BRINP3: variants seen among roughly 807,000 people sequenced by gnomAD.
The protein encoded by BRINP3 is BMP/retinoic acid inducible neural specific 3, also known as BMP/retinoic acid-inducible neural-specific protein 3.
In BRINP3, 19 loss-of-function variants were observed where a neutral mutation model predicts 71.0. That is an observed-to-expected ratio of 0.27 (90% CI 0.19 to 0.39). BRINP3 has a LOEUF of 0.39. BRINP3 is among the 10% of genes least tolerant of loss of function. The pLI is 1.00. For missense variants in BRINP3, 959 were observed against 940.8 expected (o/e 1.02, Z -0.25); for synonymous variants, 380 against 337.7 (o/e 1.13, Z -1.37).
chr1:190,272,904 C>G (rs1008471322), intron 3 of BRINP3, among the ~76,000 whole-genome samples: 1 of 151,440 alleles, frequency 6.6e-6, no homozygotes, highest in African/African-American at 2.4e-5. Flanking sequence ...CCCTTACTTA[C>G]AACAGAGCAC....
intron 2 of BRINP3, among the ~76,000 whole-genome samples, chr1:190,346,723 T>G (rs940740010): frequency 1.3e-5 from 2 of 152,116 alleles, no homozygotes; most frequent in South Asian, 4.1e-4. Context: ...AGTACCCAGT[T>G]TAGACTTTAT....
At position 190,463,565 on chromosome 1, in the gene BRINP3, CATAA is replaced by C. The variant is rs372948842; in HGVS notation, c.-50-8629_-50-8626del. Among the ~76,000 whole-genome samples, 166 of 151,790 alleles carry C rather than the reference CATAA, an allele frequency of 1.1e-3. 5 individuals carry two copies. The South Asian group carries it at 0.022, about 20-fold the overall frequency. ...ATTATATTCCATGAACATATTCAAA[CATAA>C]ATAAATAAGGTAATACATTATCTTT... On this transcript the variant is annotated intron_variant, in intron 1 of 7. Coordinates refer to ENST00000367462, the MANE Select transcript of BRINP3 (RefSeq NM_199051.3).
rs796336742 is a variant in BRINP3, at chr1:190,139,782, C to T, written c.1184+20886G>A. ...AAATCTACATAGTTAAGGTTTTCTC[C>T]AGGCAACATTTAGTGTTACCTTTCT... is the stretch of plus-strand genomic sequence containing the variant. On this transcript the variant is annotated intron_variant, in intron 7 of 7. Transcript: ENST00000367462. Among the ~76,000 whole-genome samples, 4 of 152,192 alleles carry T rather than the reference C, an allele frequency of 2.6e-5. No homozygotes were observed. In the East Asian group the frequency reaches 7.7e-4, roughly 29 times the overall value.
chr1:190,413,194 CGTGT>C (rs1289227768), intron 2 of BRINP3, among the ~76,000 whole-genome samples: 3 of 151,408 alleles, frequency 2.0e-5, no homozygotes, highest in Non-Finnish European at 4.4e-5. Flanking sequence ...CGTGCATGTG[CGTGT>C]GTGTGTGTAT....
intron 7 of BRINP3, among the ~76,000 whole-genome samples, chr1:190,108,427 C>T (rs901094560): frequency 6.6e-6 from 1 of 151,716 alleles, no homozygotes; most frequent in Non-Finnish European, 1.5e-5. Flanking sequence ...AAAGTCGGCT[C>T]ATTTAAAATA....
chr1:190,429,323 A>C (rs1359303870), intron 2 of BRINP3, among the ~76,000 whole-genome samples: 1 of 152,184 alleles, frequency 6.6e-6, no homozygotes, highest in Non-Finnish European at 1.5e-5. Context: ...AATGTTTTTA[A>C]TAAATTGTGG....
intron 1 of BRINP3, among the ~76,000 whole-genome samples, chr1:190,468,234 GATA>G (rs1178001112): frequency 6.6e-6 from 1 of 151,114 alleles, no homozygotes; most frequent in Admixed American, 6.6e-5. Context: ...AAAGAATCAT[GATA>G]ATAAACTTAT....
At chr1:190,221,055 T>C (rs1173934681) in intron 6 of BRINP3, among the ~76,000 whole-genome samples, 4 of 152,088 alleles carry the variant, frequency 2.6e-5, no homozygotes, top group African/African-American at 4.8e-5. Context: ...CTGTCTCTAC[T>C]ACAAACACAA....
intron 4 of BRINP3, among the ~76,000 whole-genome samples, chr1:190,239,560 T>A (rs1035350727): frequency 1.3e-4 from 20 of 152,222 alleles, no homozygotes; most frequent in African/African-American, 4.8e-4. Flanking sequence ...AATATCCTAT[T>A]TTTTAATCTA....
chr1:190,226,275 T>A lies in BRINP3; in HGVS notation c.768A>T (p.Val256=). 6.2e-6 allele frequency: 10 copies of A among 1,609,866 alleles called. No individual in the cohort carries two copies. The highest frequency in any genetic ancestry group is 8.5e-6 in the Non-Finnish European group (10 of 1,177,792). The change falls in exon 6 of 8, where the codon GTA becomes GTT. Residue 256 remains valine, a synonymous_variant. Coordinates refer to ENST00000367462, the MANE Select transcript of BRINP3 (RefSeq NM_199051.3). ...AAGCAATGTAGCTCAAAGCTGCTTGTACAAAACGTTCCTGAAGATAGTCTG... is the reference window on the plus strand; with the variant it reads ...AAGCAATGTAGCTCAAAGCTGCTTGAACAAAACGTTCCTGAAGATAGTCTG... ...LLPDYLQERF[V]QAALSYIACN... is the part of the protein sequence containing the mutation.
chr1:190,307,989 T>C (rs995272503), intron 2 of BRINP3, among the ~76,000 whole-genome samples: 1 of 151,918 alleles, frequency 6.6e-6, no homozygotes, highest in Non-Finnish European at 1.5e-5. Context: ...TCTGATGACA[T>C]TTGCCTAACC....
At chr1:190,428,434 C>A (rs72731165) in intron 2 of BRINP3, among the ~76,000 whole-genome samples, 19,625 of 151,512 alleles carry the variant, frequency 0.13, 1,401 homozygotes, top group Non-Finnish European at 0.14. Flanking sequence ...AATCCCCCCC[C>A]AAAAAAACTC....
intron 2 of BRINP3, among the ~76,000 whole-genome samples, chr1:190,422,668 G>A (rs967369791): frequency 5.9e-5 from 9 of 151,914 alleles, no homozygotes; most frequent in African/African-American, 2.2e-4. Flanking sequence ...ATCACAAAAG[G>A]CCACTTTCCA....
Position 190,453,201 on chromosome 1 carries a change from G to GTTTTTTTTTTTT in BRINP3, c.236+1453_236+1454insAAAAAAAAAAAA, listed in dbSNP as rs745819844. Among the ~76,000 whole-genome samples, 34 of 37,840 alleles carry GTTTTTTTTTTTT rather than the reference G, an allele frequency of 9.0e-4. 1 individual carries two copies. The highest frequency in any genetic ancestry group is 1.9e-3 in the Non-Finnish European group (32 of 16,422). 24.8% of individuals were successfully genotyped at this position (37,840 alleles called of 152,430 possible). ...CTACTTTTCAGAAAGAAAAACTTTA[G>GTTTTTTTTTTTT]TATTTTTTTTTTTTTTTTTTTTTTT... On this transcript the variant is annotated intron_variant, in intron 2 of 7. Transcript: ENST00000367462.
chr1:190,220,592 TTGTC>T (rs1377524464), intron 6 of BRINP3, among the ~76,000 whole-genome samples: 4 of 152,090 alleles, frequency 2.6e-5, no homozygotes, highest in African/African-American at 9.7e-5. Flanking sequence ...GAGCTTCAAT[TTGTC>T]TGGCGACAAA....
chr1:190,245,872 C>T (rs1015714052), intron 4 of BRINP3, among the ~76,000 whole-genome samples: 9 of 150,986 alleles, frequency 6.0e-5, no homozygotes, highest in East Asian at 2.0e-4. Flanking sequence ...TTTGTCCTTG[C>T]GATAGTTTGC....
At chr1:190,361,118 A>G (rs1425224136) in intron 2 of BRINP3, among the ~76,000 whole-genome samples, 1 of 151,914 alleles carries the variant, frequency 6.6e-6, no homozygotes, top group Non-Finnish European at 1.5e-5. Context: ...TCAAGCATAG[A>G]TACCATGGTG....
intron 7 of BRINP3, among the ~76,000 whole-genome samples, chr1:190,104,938 G>A (rs947646875): frequency 5.9e-5 from 9 of 152,008 alleles, no homozygotes; most frequent in African/African-American, 2.2e-4. Flanking sequence ...TCTTTTTGAA[G>A]TTAAAGATTA....
intron 1 of BRINP3, among the ~76,000 whole-genome samples, chr1:190,465,597 C>G (rs1324420143): frequency 6.6e-6 from 1 of 151,906 alleles, no homozygotes; most frequent in African/African-American, 2.4e-5. Context: ...ATCAGTTTAG[C>G]CAGAATCCCC....
Sources: gnomAD v4.1 joint callset for allele counts (sites outside exome capture counted in the v4.1 genomes callset) on GRCh38, gnomAD v4.1.1 for gene constraint, MANE v1.5 for transcripts, NCBI Gene and HGNC (gene_info 2026-07-23, HGNC 2026-07-21) for gene names.